Variants in APP observed in about 807,000 individuals in gnomAD.
The protein encoded by APP is amyloid beta precursor protein, also known as amyloid-beta precursor protein.
Under a neutral mutation model 101.4 loss-of-function variants are expected in APP, and 31 were observed. The ratio of observed to expected loss-of-function variants is 0.31; its 90% CI spans 0.23 to 0.41. The LOEUF (loss-of-function observed/expected upper bound fraction) is 0.41, where lower values mean the gene tolerates loss of function less well. APP is among the 10% of genes least tolerant of loss of function. The probability of loss-of-function intolerance (pLI) is 1.00; values close to 1 mark genes in which losing one functional copy is unlikely to be tolerated. For synonymous variants in APP, 366 were observed against 364.4 expected, an observed-to-expected ratio of 1.00 and a Z score of -0.05; for missense variants, 839 against 1,003.7, an observed-to-expected ratio of 0.84 and a Z score of 2.22.
At chr21:26,126,749 G>GT (rs2062692894) in intron 1 of APP, among the ~76,000 whole-genome samples, 1 of 152,078 alleles carries the variant, frequency 6.6e-6, no homozygotes, top group African/African-American at 2.4e-5. Flanking sequence ...CAAAATGTCA[G>GT]TAATTCCCAG....
rs372531770 is a variant in APP at position 26,091,348 on chromosome 21, T to C, written c.226-1276A>G. 1.8e-4 allele frequency among the ~76,000 whole-genome samples: 27 copies of C among 152,266 alleles called. No homozygotes were observed. The South Asian group carries it at 5.2e-3, about 29-fold the overall frequency. ...CACAGGACTGGAGAAAGTGAGGTGG[T>C]AATAAGTAGTACTTGGAGAGTCAAA... On this transcript the variant is annotated intron_variant, in intron 2 of 17. Transcript: ENST00000346798.
intron 3 of APP, among the ~76,000 whole-genome samples, chr21:26,063,027 G>C (rs2046332441): frequency 6.6e-6 from 1 of 152,234 alleles, no homozygotes; most frequent in South Asian, 2.1e-4. Flanking sequence ...GCCTCCCAAA[G>C]TATTGGGATT....
intron 1 of APP, among the ~76,000 whole-genome samples, chr21:26,134,352 A>T (rs2062852787): frequency 6.6e-6 from 1 of 152,218 alleles, no homozygotes; most frequent in South Asian, 2.1e-4. Context: ...CCCAGGTTGT[A>T]GCCTGTGCTT....
At position 25,907,424 on chromosome 21, in the gene APP, G is replaced by T. The variant is rs185622429; in HGVS notation, c.1910-2347C>A. On this transcript the variant is annotated intron_variant, in intron 14 of 17. Coordinates refer to ENST00000346798, the MANE Select transcript of APP (RefSeq NM_000484.4). ...GTAGTGTGTTATTTCCCAATCCACT[G>T]CAAATACTTTCCAATTTTTCCAATT... 2.6e-5 allele frequency among the ~76,000 whole-genome samples: 4 copies of T among 152,282 alleles called. No homozygotes were observed. The East Asian group carries it at 7.7e-4, about 29-fold the overall frequency.
At chr21:26,044,122 TC>T (rs2045499421) in intron 5 of APP, among the ~76,000 whole-genome samples, 1 of 152,204 alleles carries the variant, frequency 6.6e-6, no homozygotes, top group African/African-American at 2.4e-5. Context: ...ATTGCTGTGT[TC>T]CCAAAGTACT....
chr21:25,955,575 C>G, intron 12 of APP, 52 bp downstream of exon 12: 1 of 1,613,406 alleles, frequency 6.2e-7, no homozygotes, highest in Non-Finnish European at 8.5e-7. Flanking sequence ...ACCCAAGAAG[C>G]AAGAATCCTG....
At chr21:26,039,631 C>G (rs1161876483) in intron 5 of APP, among the ~76,000 whole-genome samples, 1 of 152,208 alleles carries the variant, frequency 6.6e-6, no homozygotes, top group African/African-American at 2.4e-5. Flanking sequence ...TCAACATTCA[C>G]TTCTCTTTAA....
At chr21:26,075,075 T>G (rs2061477699) in intron 3 of APP, among the ~76,000 whole-genome samples, 1 of 152,220 alleles carries the variant, frequency 6.6e-6, no homozygotes, top group Non-Finnish European at 1.5e-5. Flanking sequence ...TTTAGGCATG[T>G]GAAATTGCTG....
chr21:26,140,146 C>T, intron 1 of APP: 1 of 1,519,458 alleles, frequency 6.6e-7, no homozygotes, highest in Non-Finnish European at 8.8e-7. Context: ...TCACAGTACT[C>T]ACTTACATAG....
At chr21:26,110,762 G>A (rs1199960880) in intron 2 of APP, among the ~76,000 whole-genome samples, 5 of 152,050 alleles carry the variant, frequency 3.3e-5, no homozygotes, top group Non-Finnish European at 5.9e-5. Flanking sequence ...CATTATCCAA[G>A]TAGGCTAAAG....
chr21:26,090,096 C>G (rs752555717), intron 2 of APP, 24 bp from the exon 3 acceptor site: 2 of 1,613,568 alleles, frequency 1.2e-6, no homozygotes, highest in Admixed American at 1.7e-5. Context: ...CAAAAAGAAT[C>G]AATTGTTACT....
chr21:25,984,171 A>G (rs540637863), intron 8 of APP, among the ~76,000 whole-genome samples: 1 of 152,316 alleles, frequency 6.6e-6, no homozygotes, highest in South Asian at 2.1e-4. Flanking sequence ...TAACCACGGG[A>G]AAGTTCTGAT....
chr21:25,977,094 GAT>G (rs1368928578), intron 9 of APP, among the ~76,000 whole-genome samples: 4 of 152,162 alleles, frequency 2.6e-5, no homozygotes, highest in African/African-American at 9.7e-5. Flanking sequence ...AACTGACTAA[GAT>G]ATCAGGTGAA....
chr21:26,131,073 T>C (rs1476422837), intron 1 of APP, among the ~76,000 whole-genome samples: 5 of 151,894 alleles, frequency 3.3e-5, no homozygotes, highest in Non-Finnish European at 7.4e-5. Flanking sequence ...CTACTAAAAA[T>C]ATAAAATTAG....
At chr21:26,040,624 C>T (rs1197814281) in intron 5 of APP, among the ~76,000 whole-genome samples, 2 of 136,184 alleles carry the variant, frequency 1.5e-5, no homozygotes, top group Non-Finnish European at 3.2e-5. Context: ...AAAAAAAAAG[C>T]TGAGTGTGGA....
intron 6 of APP, among the ~76,000 whole-genome samples, chr21:26,004,874 T>C (rs550021129): frequency 3.6e-5 from 5 of 139,702 alleles, no homozygotes; most frequent in South Asian, 2.5e-4. Flanking sequence ...CATTGTTCAA[T>C]TTCCACCTAT....
intron 13 of APP, among the ~76,000 whole-genome samples, chr21:25,926,902 C>T (rs949648405): frequency 3.5e-5 from 5 of 143,138 alleles, no homozygotes; most frequent in African/African-American, 1.3e-4. Context: ...ACTCGGGAGG[C>T]TGAGGCAGGA....
chr21:26,130,095 T>C (rs367857563), intron 1 of APP, among the ~76,000 whole-genome samples: 1 of 152,216 alleles, frequency 6.6e-6, no homozygotes, highest in African/African-American at 2.4e-5. Context: ...ACATAAAATG[T>C]TGAGCATCAC....
intron 1 of APP, among the ~76,000 whole-genome samples, chr21:26,131,119 C>T (rs2062785786): frequency 1.3e-5 from 2 of 152,116 alleles, no homozygotes; most frequent in Admixed American, 1.3e-4. Context: ...ATCCCAGCTA[C>T]TCAGGAGGCT....
Sources: allele counts gnomAD v4.1 joint callset (sites outside exome capture counted in the v4.1 genomes callset), GRCh38; gene constraint gnomAD v4.1.1; transcripts MANE v1.5; gene names NCBI Gene and HGNC (gene_info 2026-07-23, HGNC 2026-07-21).